The following CNBD1 variants were observed in gnomAD, a reference collection of about 807,000 sequenced individuals.
CNBD1 encodes the protein cyclic nucleotide-binding domain-containing protein 1.
A neutral mutation model predicts 54.4 loss-of-function variants in CNBD1; 71 were observed. The observed-to-expected ratio is 1.30, with a 90% CI of 1.08 to 1.59. The LOEUF is 1.59. CNBD1 is among the 40% of genes most tolerant of loss of function. The pLI, the probability that CNBD1 is intolerant of heterozygous loss-of-function variation, is 0.00. For missense variants in CNBD1, 659 were observed against 518.0 expected (o/e 1.27, Z -2.64); for synonymous variants, 182 against 170.7 (o/e 1.07, Z -0.51).
intron 3 of CNBD1, among the ~76,000 whole-genome samples, chr8:86,931,793 C>G (rs913383022): frequency 1.3e-5 from 2 of 152,128 alleles, no homozygotes; most frequent in Non-Finnish European, 2.9e-5. Flanking sequence ...ATCAATTGAC[C>G]CTCAAGGGAG....
At chr8:87,370,512 G>A (rs1223468090) in intron 10 of CNBD1, among the ~76,000 whole-genome samples, 1 of 152,132 alleles carries the variant, frequency 6.6e-6, no homozygotes, top group East Asian at 1.9e-4. Context: ...TCTTTTGGCT[G>A]CATAAATGTT....
chr8:87,287,917 C>T (rs1808726336), intron 8 of CNBD1, among the ~76,000 whole-genome samples: 1 of 151,886 alleles, frequency 6.6e-6, no homozygotes, highest in Non-Finnish European at 1.5e-5. Flanking sequence ...TATTTTTGCT[C>T]ATAAATTTGA....
chr8:87,247,346 G>T (rs544087703), intron 6 of CNBD1, among the ~76,000 whole-genome samples: 1 of 152,290 alleles, frequency 6.6e-6, no homozygotes, highest in East Asian at 1.9e-4. Flanking sequence ...AGCTGAGAGA[G>T]GTGATCACGC....
At chr8:87,380,323 A>G (rs900456114) in intron 10 of CNBD1, among the ~76,000 whole-genome samples, 21 of 151,878 alleles carry the variant, frequency 1.4e-4, no homozygotes, top group Non-Finnish European at 2.8e-4. Context: ...ATATCAGTTG[A>G]TCATATATAC....
chr8:87,077,463 A>G (rs1290223232), intron 4 of CNBD1, among the ~76,000 whole-genome samples: 4 of 141,156 alleles, frequency 2.8e-5, no homozygotes, highest in African/African-American at 1.1e-4. Flanking sequence ...CACAATGTGC[A>G]GGTTTGTTAC....
intron 10 of CNBD1, among the ~76,000 whole-genome samples, chr8:87,359,885 TAAATA>T (rs1454021936): frequency 6.6e-6 from 1 of 151,998 alleles, no homozygotes; most frequent in Non-Finnish European, 1.5e-5. Flanking sequence ...TAAACAAAAA[TAAATA>T]AAATAATTAT....
chr8:87,107,740 T>A (rs766791487), intron 4 of CNBD1, among the ~76,000 whole-genome samples: 1 of 152,198 alleles, frequency 6.6e-6, no homozygotes, highest in South Asian at 2.1e-4. Context: ...TGTCTATGTA[T>A]GCTGTGGCAT....
intron 4 of CNBD1, among the ~76,000 whole-genome samples, chr8:87,093,254 C>T (rs1414963409): frequency 2.0e-5 from 3 of 152,082 alleles, no homozygotes; most frequent in African/African-American, 7.2e-5. Context: ...TTTCGGCCAC[C>T]TTTGTGCGGC....
chr8:87,240,885 C>A (rs983064814), intron 6 of CNBD1, among the ~76,000 whole-genome samples: 1 of 152,040 alleles, frequency 6.6e-6, no homozygotes, highest in Non-Finnish European at 1.5e-5. Flanking sequence ...CCACTTGAAT[C>A]GCTTTTTAGG....
chr8:86,888,146 A>C (rs1808708503), intron 2 of CNBD1, among the ~76,000 whole-genome samples: 1 of 152,064 alleles, frequency 6.6e-6, no homozygotes, highest in South Asian at 2.1e-4. Context: ...CCACCCTCTT[A>C]CCTTCCTTCA....
chr8:86,957,170 G>A (rs1405724795), intron 4 of CNBD1, among the ~76,000 whole-genome samples: 2 of 152,182 alleles, frequency 1.3e-5, no homozygotes, highest in Non-Finnish European at 2.9e-5. Context: ...GCATCCCAGG[G>A]ATGAAGCCAA....
At chr8:86,952,069 T>A (rs1274741133) in intron 4 of CNBD1, among the ~76,000 whole-genome samples, 1 of 152,150 alleles carries the variant, frequency 6.6e-6, no homozygotes, top group Admixed American at 6.5e-5. Flanking sequence ...CAAAATAATA[T>A]AACCATTTGT....
At chr8:87,333,165 T>C (rs1390261348) in intron 8 of CNBD1, among the ~76,000 whole-genome samples, 2 of 152,204 alleles carry the variant, frequency 1.3e-5, no homozygotes, top group Non-Finnish European at 2.9e-5. Context: ...ATGATTTTGC[T>C]CTCTGCTTGT....
chr8:87,413,760 C>A (rs1238174345), intron 2 of CNBD1, among the ~76,000 whole-genome samples: 4 of 140,786 alleles, frequency 2.8e-5, no homozygotes, highest in Non-Finnish European at 4.7e-5. Flanking sequence ...AGCCAAAAAA[C>A]ACATGAAAAA....
chr8:87,395,299 T>C (rs1811389520), intron 2 of CNBD1, among the ~76,000 whole-genome samples: 1 of 151,932 alleles, frequency 6.6e-6, no homozygotes, highest in African/African-American at 2.4e-5. Flanking sequence ...TGGCATAGTA[T>C]ATATTTTTTG....
intron 10 of CNBD1, among the ~76,000 whole-genome samples, chr8:87,362,687 A>T (rs1810547770): frequency 6.6e-6 from 1 of 151,994 alleles, no homozygotes; most frequent in Non-Finnish European, 1.5e-5. Context: ...ATCTTTAAGG[A>T]CTCAGAAAAG....
intron 4 of CNBD1, among the ~76,000 whole-genome samples, chr8:86,943,924 GGT>G (rs139909185): frequency 5.9e-5 from 9 of 152,096 alleles, no homozygotes; most frequent in African/African-American, 2.2e-4. Context: ...GTCTCTTCAA[GGT>G]ACAACACTGG....
intron 4 of CNBD1, among the ~76,000 whole-genome samples, chr8:87,128,340 C>T (rs139762760): frequency 6.6e-6 from 1 of 152,190 alleles, no homozygotes; most frequent in Non-Finnish European, 1.5e-5. Context: ...CTGGATGCTG[C>T]CATAGGGCTG....
At chr8:86,975,293 T>G (rs1280694765) in intron 4 of CNBD1, among the ~76,000 whole-genome samples, 1 of 151,954 alleles carries the variant, frequency 6.6e-6, no homozygotes. Context: ...GTACAATACA[T>G]TATTATTAAC....
Sources: gnomAD v4.1 joint callset for allele counts (sites outside exome capture counted in the v4.1 genomes callset) on GRCh38, gnomAD v4.1.1 for gene constraint, MANE v1.5 for transcripts, NCBI Gene and HGNC (gene_info 2026-07-23, HGNC 2026-07-21) for gene names.